ESYT2: variants seen among roughly 807,000 people sequenced by gnomAD.
ESYT2 encodes extended synaptotagmin-2.
Under a neutral mutation model 107.2 loss-of-function variants are expected in ESYT2, and 54 were observed. The ratio of observed to expected loss-of-function variants is 0.50; its 90% CI spans 0.40 to 0.63. The LOEUF is 0.63. ESYT2 is among the 30% of genes least tolerant of loss of function. The pLI, the probability that ESYT2 is intolerant of heterozygous loss-of-function variation, is 0.00. For missense variants in ESYT2, 1,020 were observed against 1,094.5 expected, an observed-to-expected ratio of 0.93 and a Z score of 0.96; for synonymous variants, 491 against 434.1, an observed-to-expected ratio of 1.13 and a Z score of -1.63.
intron 6 of ESYT2, among the ~76,000 whole-genome samples, chr7:158,776,085 T>C (rs1838551467): frequency 6.6e-6 from 1 of 152,204 alleles, no homozygotes; most frequent in Non-Finnish European, 1.5e-5. Flanking sequence ...CTCTTTTTTT[T>C]CTGAGCAGCA....
intron 13 of ESYT2, among the ~76,000 whole-genome samples, chr7:158,757,154 T>G (rs1275846244): frequency 6.6e-6 from 1 of 152,128 alleles, no homozygotes; most frequent in Admixed American, 6.5e-5. Context: ...TCTCCAATGT[T>G]ACAACAGTGT....
At chr7:158,801,610 G>T (rs200876093) in intron 1 of ESYT2, among the ~76,000 whole-genome samples, 1 of 142,402 alleles carries the variant, frequency 7.0e-6, no homozygotes, top group African/African-American at 2.7e-5. Context: ...AGGAACACAG[G>T]AACACAGATT....
In ESYT2 at chr7:158,813,366, C is replaced by T. The variant is rs558699895; in HGVS notation, c.331-14294G>A. 3.3e-5 allele frequency among the ~76,000 whole-genome samples: 5 copies of T among 152,254 alleles called. No individual in the cohort carries two copies. The East Asian group carries it at 5.8e-4, about 18-fold the overall frequency. On this transcript the variant is annotated intron_variant, in intron 1 of 22. Coordinates refer to ENST00000275418, the MANE Select transcript of ESYT2 (RefSeq NM_001367773.1). Reference sequence around the variant, plus strand: ...GCCATTATCCATTTGTCAAGATCCACGGAATGTACAACACTGAAAATGAGC... The same window carrying T: ...GCCATTATCCATTTGTCAAGATCCATGGAATGTACAACACTGAAAATGAGC...
chr7:158,761,793 G>A (rs554634804), intron 10 of ESYT2, among the ~76,000 whole-genome samples: 1 of 152,126 alleles, frequency 6.6e-6, no homozygotes, highest in Non-Finnish European at 1.5e-5. Flanking sequence ...TGTGAGCTCA[G>A]AATACTGAGT....
At chr7:158,775,169 C>T (rs1838511474) in intron 6 of ESYT2, among the ~76,000 whole-genome samples, 1 of 152,100 alleles carries the variant, frequency 6.6e-6, no homozygotes, top group Admixed American at 6.5e-5. Flanking sequence ...TAAAAATGTA[C>T]ATACCTTTAT....
At chr7:158,811,398 G>A (rs1374023545) in intron 1 of ESYT2, among the ~76,000 whole-genome samples, 1 of 152,150 alleles carries the variant, frequency 6.6e-6, no homozygotes, top group Admixed American at 6.5e-5. Context: ...TCCTTAAAGA[G>A]CACATGGCTC....
chr7:158,779,006 T>C (rs1584833803), intron 6 of ESYT2, among the ~76,000 whole-genome samples: 1 of 152,156 alleles, frequency 6.6e-6, no homozygotes, highest in Non-Finnish European at 1.5e-5. Flanking sequence ...GGCACTGACA[T>C]AATGTTTTGC....
chr7:158,787,068 T>C (rs1396222652), intron 6 of ESYT2, among the ~76,000 whole-genome samples: 4 of 152,004 alleles, frequency 2.6e-5, no homozygotes, highest in African/African-American at 4.8e-5. Context: ...CTGGAGAAGA[T>C]GACCAGGAGC....
In ESYT2 at chr7:158,748,235, A is replaced by G. The variant is rs1325210945; in HGVS notation, c.1603T>C (p.Phe535Leu). ...NEPVWEENFT[F>L]FIHNPKRQDL... ...TGGCGCTTGGGATTGTGAATGAAGA[A>G]AGTGAAGTTTTCCTCCCACACAGGT... The change falls in exon 16 of 23, where the codon TTC (phenylalanine) becomes CTC (leucine). Residue 535 changes from phenylalanine (F) to leucine (L), a missense_variant. Transcript: ENST00000275418. The G allele has an allele frequency of 6.2e-7, 1 of 1,614,084 alleles. No homozygotes were observed. Among genetic ancestry groups the G allele is most frequent in the African/African-American group, 1.3e-5 (1 of 74,940 alleles).
chr7:158,799,369 A>G (rs953935910), intron 1 of ESYT2, among the ~76,000 whole-genome samples: 3 of 152,198 alleles, frequency 2.0e-5, no homozygotes, highest in Non-Finnish European at 4.4e-5. Context: ...GAAACATCAT[A>G]AATTATACAA....
chr7:158,827,317 T>C (rs540970284), intron 1 of ESYT2, among the ~76,000 whole-genome samples: 11 of 152,308 alleles, frequency 7.2e-5, no homozygotes, highest in African/African-American at 2.4e-4. Context: ...ATGTTATCAA[T>C]ATAACATAGC....
chr7:158,773,077 TGTG>T (rs1838432135), intron 7 of ESYT2, among the ~76,000 whole-genome samples: 1 of 152,142 alleles, frequency 6.6e-6, no homozygotes, highest in Admixed American at 6.5e-5. Context: ...GAAGACACCT[TGTG>T]GTGAACAAAC....
intron 1 of ESYT2, among the ~76,000 whole-genome samples, chr7:158,803,576 TTCTC>T (rs1201543184): frequency 1.3e-5 from 2 of 152,226 alleles, no homozygotes; most frequent in Admixed American, 6.5e-5. Context: ...TTTTATATTG[TTCTC>T]TCTGAATATG....
At chr7:158,738,318 A>C (rs1443370086) in intron 19 of ESYT2, among the ~76,000 whole-genome samples, 1 of 110,746 alleles carries the variant, frequency 9.0e-6, no homozygotes, top group Non-Finnish European at 1.7e-5. Context: ...TCTCCAAAAA[A>C]AAAAAAAAAT....
chr7:158,802,566 C>G (rs1839676826), intron 1 of ESYT2, among the ~76,000 whole-genome samples: 1 of 152,196 alleles, frequency 6.6e-6, no homozygotes, highest in South Asian at 2.1e-4. Context: ...CAGGCATGAG[C>G]CACCACACCA....
At chr7:158,741,452 G>A (rs1026811036) in intron 18 of ESYT2, 71 bp downstream of exon 18, 38 of 1,461,504 alleles carry the variant, frequency 2.6e-5, no homozygotes, top group East Asian at 2.1e-4. Context: ...TGCGTTAAAC[G>A]ACTCTCCCCC....
At chr7:158,792,447 G>A (rs1839327751) in intron 4 of ESYT2, among the ~76,000 whole-genome samples, 1 of 151,332 alleles carries the variant, frequency 6.6e-6, no homozygotes, top group Non-Finnish European at 1.5e-5. Context: ...AGGATCGCTT[G>A]ATTCTGGGAG....
intron 16 of ESYT2, among the ~76,000 whole-genome samples, chr7:158,745,231 G>A (rs969191230): frequency 2.5e-5 from 2 of 80,498 alleles, no homozygotes; most frequent in African/African-American, 6.8e-5. Flanking sequence ...TCAGGCAAGC[G>A]GCATGACCAG....
rs186676631 is a variant in ESYT2 at position 158,733,985 on chromosome 7, C to T, written c.*222G>A. On this transcript the variant is annotated 3_prime_UTR_variant, in exon 23 of 23. Coordinates refer to ENST00000275418, the MANE Select transcript of ESYT2 (RefSeq NM_001367773.1). ...CAAGAGCTACCGCCGCCCTACTGCACGTTGTAGGAACTGGCGAAATCCTAG... is the reference window on the plus strand; with the variant it reads ...CAAGAGCTACCGCCGCCCTACTGCATGTTGTAGGAACTGGCGAAATCCTAG... The T allele has an allele frequency of 1.6e-4, 89 of 547,294 alleles. 1 individual carries two copies. In the East Asian group the frequency reaches 2.5e-3, roughly 16 times the overall value. 33.9% of individuals were successfully genotyped at this position (547,294 alleles called of 1,614,324 possible). A position where few individuals can be genotyped will look rare whatever the true frequency, so the allele number is the denominator to read the frequency against.
Sources: allele counts gnomAD v4.1 joint callset (sites outside exome capture counted in the v4.1 genomes callset), GRCh38; gene constraint gnomAD v4.1.1; transcripts MANE v1.5; gene names NCBI Gene and HGNC (gene_info 2026-07-23, HGNC 2026-07-21).